Variants in MERTK observed in about 807,000 individuals in gnomAD.
MERTK encodes tyrosine-protein kinase Mer.
Under a neutral mutation model 99.3 loss-of-function variants are expected in MERTK, and 69 were observed. That is an observed-to-expected ratio of 0.70 (90% confidence interval 0.57 to 0.85). The LOEUF (loss-of-function observed/expected upper bound fraction) is 0.85, where lower values mean the gene tolerates loss of function less well. Ranked by LOEUF, MERTK falls within the 40% of genes least tolerant of loss-of-function variation. The pLI is 0.00. For missense variants in MERTK, 1,125 were observed against 1,249.4 expected (o/e 0.90, Z 1.50); for synonymous variants, 426 against 467.6 (o/e 0.91, Z 1.15).
chr2:111,907,777 G>A (rs1439476701), intron 1 of MERTK, among the ~76,000 whole-genome samples: 1 of 152,194 alleles, frequency 6.6e-6, no homozygotes, highest in African/African-American at 2.4e-5. Context: ...AAAATATTTT[G>A]TGATATAAAC....
At chr2:111,976,522 CTGTGTGTGTGTGTG>C (rs70962971) in intron 7 of MERTK, among the ~76,000 whole-genome samples, 460 of 136,788 alleles carry the variant, frequency 3.4e-3, no homozygotes, top group Middle Eastern at 7.4e-3. Context: ...TGACAAAAAC[CTGTGTGTGTGTGTG>C]TGTGTGTGTG....
intron 10 of MERTK, among the ~76,000 whole-genome samples, chr2:111,999,773 G>A (rs921027525): frequency 1.1e-4 from 17 of 152,114 alleles, no homozygotes; most frequent in Admixed American, 6.5e-5. Flanking sequence ...TTAATCACCC[G>A]GGTGCAGGTG....
chr2:111,903,391 G>A (rs1377694431), intron 1 of MERTK, among the ~76,000 whole-genome samples: 4 of 152,176 alleles, frequency 2.6e-5, no homozygotes, highest in Non-Finnish European at 5.9e-5. Context: ...TGCTGGAGGA[G>A]CTAGTCAATT....
Position 112,008,473 on chromosome 2 carries a change from T to C in MERTK, c.1958T>C (p.Leu653Pro), listed in dbSNP as rs201578313. ...DFSHPNVIRL[L>P]GVCIEMSSQG... ...AGCCACCCAAATGTCATTCGACTTC[T>C]AGGTACTTCCGAGAAATGCAGGAGT... is the stretch of plus-strand genomic sequence containing the variant. The change falls in exon 14 of 19, where the codon CTA (leucine) becomes CCA (proline). Residue 653 changes from leucine (L) to proline (P), a missense_variant and splice_region_variant. By Grantham distance (98) the Leu-to-Pro change is moderately conservative (BLOSUM62 -3). Coordinates refer to ENST00000295408, the MANE Select transcript of MERTK (RefSeq NM_006343.3). 1 of 1,613,352 alleles carries C rather than the reference T, an allele frequency of 6.2e-7. No individual in the cohort carries two copies.
intron 15 of MERTK, among the ~76,000 whole-genome samples, chr2:112,015,217 A>G (rs4525705): frequency 0.55 from 83,665 of 152,016 alleles, 23,684 homozygotes; most frequent in Middle Eastern, 0.68. Flanking sequence ...GCTGGGTCAT[A>G]TGGTAAGTGC....
At chr2:111,917,682 G>A (rs1016795939) in intron 1 of MERTK, among the ~76,000 whole-genome samples, 3 of 151,934 alleles carry the variant, frequency 2.0e-5, no homozygotes, top group African/African-American at 7.2e-5. Flanking sequence ...GTCAAGAGAT[G>A]GAGACCATCC....
chr2:111,905,025 A>G (rs1024860106), intron 1 of MERTK, among the ~76,000 whole-genome samples: 3 of 152,226 alleles, frequency 2.0e-5, no homozygotes, highest in Admixed American at 6.5e-5. Flanking sequence ...GAAGTGCTAA[A>G]AATGCAGCCT....
At chr2:111,935,638 CGTGTGTGTGTGTGT>C (rs55986780) in intron 2 of MERTK, among the ~76,000 whole-genome samples, 30,690 of 139,842 alleles carry the variant, frequency 0.22, 3,745 homozygotes, top group Middle Eastern at 0.36. Flanking sequence ...GGTCTTGGCT[CGTGTGTGTGTGTGT>C]GTGTGTGTGT....
chr2:112,021,093 G>A (rs903038225), intron 16 of MERTK, among the ~76,000 whole-genome samples: 5 of 151,710 alleles, frequency 3.3e-5, no homozygotes, highest in African/African-American at 7.3e-5. Context: ...CCAGCTACTC[G>A]GGAGACTGAG....
In MERTK at chr2:111,985,398, G is replaced by A. The variant is rs140481828; in HGVS notation, c.1296+2405G>A. Among the ~76,000 whole-genome samples the A allele has an allele frequency of 7.4e-4, 112 of 152,216 alleles. 1 individual carries two copies. The highest frequency in any genetic ancestry group is 4.2e-3 in the South Asian group (20 of 4,814). ...CCTCCTTTTGTGACACAGAACATCC[G>A]TGGAAGGGCAGATGCACTGGTTTCA... On this transcript the variant is annotated intron_variant, in intron 8 of 18. Transcript: ENST00000295408.
rs34943572 is a variant in MERTK at position 111,975,314 on chromosome 2, A to G, written c.986A>G (p.Asn329Ser). 2.1e-4 allele frequency: 344 copies of G among 1,614,204 alleles called. 8 individuals are homozygous for G. In the East Asian group the frequency reaches 2.4e-3, roughly 11 times the overall value. ...GTCAAGGAAGCTGATCCGCTGAGTA[A>G]TGGCTCAGTCATGATTTTTAACACC... is the stretch of plus-strand genomic sequence containing the variant. ...IQVKEADPLS[N>S]GSVMIFNTSA... is the part of the protein sequence containing the mutation. Residue 329 changes from asparagine to serine, a missense_variant, in exon 7 of 19, where the codon AAT becomes AGT. Physicochemically the swap from Asn to Ser is conservative, Grantham distance 46. Coordinates refer to ENST00000295408, the MANE Select transcript of MERTK (RefSeq NM_006343.3).
rs1676688633 is a variant in MERTK, at chr2:111,994,242, T to C, written c.1297-9T>C. 1.9e-6 allele frequency: 3 copies of C among 1,613,556 alleles called. No homozygotes were observed. Among genetic ancestry groups the C allele is most frequent in the Non-Finnish European group, 2.5e-6 (3 of 1,180,020 alleles). ...TGTTTTCATTTCCTCTCTTCCTCTC[T>C]GTCTCCAGAAAGAGCTCTTGGAGGA... On this transcript the variant is annotated splice_polypyrimidine_tract_variant and intron_variant, in intron 8 of 18. Coordinates refer to ENST00000295408, the MANE Select transcript of MERTK (RefSeq NM_006343.3).
intron 11 of MERTK, among the ~76,000 whole-genome samples, chr2:112,001,674 T>A (rs537117901): frequency 1.3e-5 from 2 of 152,234 alleles, no homozygotes; most frequent in Non-Finnish European, 2.9e-5. Flanking sequence ...GCCAACATGC[T>A]TTATAGTAAT....
At chr2:111,968,085 C>A in intron 5 of MERTK, 52 bp from the exon 6 acceptor site, 1 of 1,239,818 alleles carries the variant, frequency 8.1e-7, no homozygotes, top group Non-Finnish European at 1.2e-6. Context: ...AGCCTGTCAT[C>A]TATAATTGTG....
At chr2:111,953,192 C>T (rs919273266) in intron 4 of MERTK, among the ~76,000 whole-genome samples, 2 of 152,162 alleles carry the variant, frequency 1.3e-5, no homozygotes, top group Non-Finnish European at 2.9e-5. Context: ...AAAAACTGAA[C>T]CATGATGATG....
At chr2:111,955,492 A>G (rs11674883) in intron 4 of MERTK, among the ~76,000 whole-genome samples, 35,849 of 152,130 alleles carry the variant, frequency 0.24, 4,484 homozygotes, top group Middle Eastern at 0.36. Flanking sequence ...GCAATGGAAC[A>G]GTTCTGTAGC....
At chr2:111,941,146 A>G in intron 2 of MERTK, 1 of 344,550 alleles carries the variant, frequency 2.9e-6, no homozygotes, top group South Asian at 3.0e-5. Context: ...TCTTTTTCCT[A>G]CCTTCACCTT....
intron 1 of MERTK, among the ~76,000 whole-genome samples, chr2:111,902,635 T>C (rs1421846334): frequency 6.6e-6 from 1 of 152,112 alleles, no homozygotes; most frequent in Non-Finnish European, 1.5e-5. Flanking sequence ...CTTCTCATCC[T>C]TTGGGTTTCA....
intron 4 of MERTK, among the ~76,000 whole-genome samples, chr2:111,953,333 C>T (rs967013869): frequency 6.6e-6 from 1 of 152,164 alleles, no homozygotes; most frequent in Non-Finnish European, 1.5e-5. Flanking sequence ...CGCAGTATAC[C>T]GCACTGCTCA....
Sources: gnomAD v4.1 joint callset for allele counts (sites outside exome capture counted in the v4.1 genomes callset) on GRCh38, gnomAD v4.1.1 for gene constraint, MANE v1.5 for transcripts, NCBI Gene and HGNC (gene_info 2026-07-23, HGNC 2026-07-21) for gene names.